The following RAB11FIP1 variants were observed in gnomAD, a reference collection of about 807,000 sequenced individuals.
The protein encoded by RAB11FIP1 is RAB11 family interacting protein 1.
In RAB11FIP1, 49 loss-of-function variants were observed where a neutral mutation model predicts 83.1. That is an observed-to-expected ratio of 0.59 (90% CI 0.47 to 0.75). RAB11FIP1 has a LOEUF of 0.75. Ranked by LOEUF, RAB11FIP1 falls within the 30% of genes least tolerant of loss-of-function variation. The pLI is 0.00. For missense variants in RAB11FIP1, 1,536 were observed against 1,598.7 expected (o/e 0.96, Z 0.67); for synonymous variants, 670 against 656.0 (o/e 1.02, Z -0.33).
At chr8:37,882,109 G>A (rs768527177) in intron 1 of RAB11FIP1, among the ~76,000 whole-genome samples, 6 of 152,162 alleles carry the variant, frequency 3.9e-5, no homozygotes, top group Admixed American at 1.3e-4. Context: ...CAGGGCAGGA[G>A]CTTCAGGCAG....
intron 3 of RAB11FIP1, among the ~76,000 whole-genome samples, chr8:37,873,584 C>T (rs1463738394): frequency 1.3e-5 from 2 of 151,264 alleles, no homozygotes; most frequent in Non-Finnish European, 2.9e-5. Context: ...CCAGCCTGGG[C>T]GATAGAGGGA....
chr8:37,874,697 A>C lies in RAB11FIP1; in HGVS notation c.1440T>G (p.Ala480=), dbSNP rs914910876. The C allele has an allele frequency of 6.1e-5, 99 of 1,614,106 alleles. No individual in the cohort carries two copies. The highest frequency in any genetic ancestry group is 8.1e-5 in the Non-Finnish European group (95 of 1,180,044). Residue 480 remains alanine, a synonymous_variant, in exon 3 of 6, where the codon GCT becomes GCG. Transcript: ENST00000330843. ...TCTCAGATCTTCTCACAAGGTCTTC[A>C]GCAGGCCCCGATGCGTCCTCCCCCG... is the stretch of plus-strand genomic sequence containing the variant. ...VKPGEDASGP[A]EDLVRRSEKD...
rs911179301 is a variant in RAB11FIP1 at position 37,860,954 on chromosome 8, T to TA, written c.*1940dup. 6.6e-6 allele frequency: 1 copy of TA among 152,566 alleles called. No homozygotes were observed. The highest frequency in any genetic ancestry group is 6.5e-5 in the Admixed American group (1 of 15,270). 9.5% of individuals were successfully genotyped at this position (152,566 alleles called of 1,614,324 possible). On this transcript the variant is annotated 3_prime_UTR_variant, in exon 6 of 6. Transcript: ENST00000330843. ...AACCTCAATGTAACAAGGACACACA[T>TA]AAAAGAGATTCCTGATTTAATAACT...
intron 1 of RAB11FIP1, among the ~76,000 whole-genome samples, chr8:37,883,538 T>A (rs1806765807): frequency 6.6e-6 from 1 of 152,260 alleles, no homozygotes; most frequent in Non-Finnish European, 1.5e-5. Flanking sequence ...GGATGTTTGA[T>A]AGAAGCATAC....
intron 5 of RAB11FIP1, 138 bp downstream of exon 5, chr8:37,870,282 G>C (rs1806425452): frequency 1.9e-6 from 1 of 515,622 alleles, no homozygotes; most frequent in African/African-American, 1.9e-5. Flanking sequence ...GGCTTCCAAA[G>C]TTTACTCAAA....
rs748646177 is a variant in RAB11FIP1 at position 37,899,105 on chromosome 8, C to T, written c.337G>A (p.Asp113Asn). The change falls in exon 1 of 6, where the codon GAT becomes AAT. Residue 113 changes from aspartate (D) to asparagine (N), a missense_variant. Physicochemically the swap from Asp to Asn is conservative, Grantham distance 23. Transcript: ENST00000330843. The surrounding 1 kb of genome is among the most constrained non-coding windows in gnomAD (Gnocchi z 4.5). Reference protein sequence around the residue: ...FLGRAEVDLRDLHRDQGRRKT... With the variant: ...FLGRAEVDLRNLHRDQGRRKT... ...CTGCGGCCCTGGTCGCGGTGCAGAT[C>T]CCGCAGGTCCACCTCGGCGCGGCCC... 6.5e-7 allele frequency: 1 copy of T among 1,528,474 alleles called. No homozygotes were observed. The highest frequency in any genetic ancestry group is 8.7e-7 in the Non-Finnish European group (1 of 1,146,984). 94.7% of individuals were successfully genotyped at this position (1,528,474 alleles called of 1,614,324 possible). A position where few individuals can be genotyped will look rare whatever the true frequency, so the allele number is the denominator to read the frequency against.
rs1806194205 is a variant in RAB11FIP1, at chr8:37,859,532, C to T, written c.*3363G>A. On this transcript the variant is annotated 3_prime_UTR_variant, in exon 6 of 6. Coordinates refer to ENST00000330843, the MANE Select transcript of RAB11FIP1 (RefSeq NM_001002814.3). ...CAAAGGGCAGACTTACTCCTTCATC[C>T]ACTCTGCTGCCTTGATGAGGTGAAC... is the stretch of plus-strand genomic sequence containing the variant. 1 of 152,332 alleles carries T rather than the reference C, an allele frequency of 6.6e-6. No homozygotes were observed. Among genetic ancestry groups the T allele is most frequent in the Non-Finnish European group, 1.5e-5 (1 of 68,130 alleles). 9.4% of individuals were successfully genotyped at this position (152,332 alleles called of 1,614,324 possible). A position where few individuals can be genotyped will look rare whatever the true frequency, so the allele number is the denominator to read the frequency against.
intron 3 of RAB11FIP1, 38 bp from the exon 4 acceptor site, chr8:37,873,217 A>G: frequency 6.6e-7 from 1 of 1,519,460 alleles, no homozygotes; most frequent in African/African-American, 1.4e-5. Flanking sequence ...AGGTCAGTGC[A>G]GATGCATCAC....
Position 37,861,421 on chromosome 8 carries a change from A to C in RAB11FIP1, c.*1474T>G. 8.6e-6 allele frequency: 3 copies of C among 350,700 alleles called. No homozygotes were observed. Among genetic ancestry groups the C allele is most frequent in the Non-Finnish European group, 1.7e-5 (3 of 181,434 alleles). 21.7% of individuals were successfully genotyped at this position (350,700 alleles called of 1,614,324 possible). On this transcript the variant is annotated 3_prime_UTR_variant, in exon 6 of 6. Transcript: ENST00000330843. ...CACTACAATTTCCCCAGTATCCCAC[A>C]AATAATTTGGGTTTCCTTTTGGGCA...
At chr8:37,891,331 T>C (rs1293235703) in intron 1 of RAB11FIP1, among the ~76,000 whole-genome samples, 1 of 152,146 alleles carries the variant, frequency 6.6e-6, no homozygotes. Flanking sequence ...TCTTAATCCT[T>C]CTGGAGCTAA....
At chr8:37,885,222 T>C (rs1482631533) in intron 1 of RAB11FIP1, among the ~76,000 whole-genome samples, 1 of 151,982 alleles carries the variant, frequency 6.6e-6, no homozygotes, top group Non-Finnish European at 1.5e-5. Context: ...CTCGAACTCC[T>C]GACTTCAGAT....
At chr8:37,864,881 GAA>G (rs1170283885) in intron 5 of RAB11FIP1, among the ~76,000 whole-genome samples, 1 of 151,660 alleles carries the variant, frequency 6.6e-6, no homozygotes, top group East Asian at 1.9e-4. Context: ...CGCAAGTCTG[GAA>G]AAGAGCCCTA....
chr8:37,880,856 G>C, intron 1 of RAB11FIP1, among the ~76,000 whole-genome samples: 1 of 152,006 alleles, frequency 6.6e-6, no homozygotes, highest in East Asian at 1.9e-4. Context: ...ATAGTGAGCT[G>C]TCCACCAGGT....
chr8:37,887,402 A>T (rs1176737667), intron 1 of RAB11FIP1, among the ~76,000 whole-genome samples: 1 of 152,020 alleles, frequency 6.6e-6, no homozygotes, highest in Admixed American at 6.6e-5. Context: ...GTGGTGGTAC[A>T]CACCTGTAAT....
chr8:37,881,906 A>G (rs1806738803), intron 1 of RAB11FIP1, among the ~76,000 whole-genome samples: 1 of 152,134 alleles, frequency 6.6e-6, no homozygotes, highest in Non-Finnish European at 1.5e-5. Flanking sequence ...TGTCACTTCA[A>G]TTTTGAGAGG....
At position 37,872,721 on chromosome 8, in the gene RAB11FIP1, G is replaced by A; in HGVS notation, c.2081C>T (p.Pro694Leu). ...TTGTCGCCCTGTTTCAGGCTGCTCT[G>A]GGAGAGACTCCTCCAACTCAAGGCT... ...TSSLELEESL[P>L]EQPETGRQEE... Residue 694 changes from proline to leucine, a missense_variant, in exon 4 of 6, where the codon CCA (proline) becomes CTA (leucine). Transcript: ENST00000330843. 1.2e-6 allele frequency: 2 copies of A among 1,614,214 alleles called. No homozygotes were observed. The highest frequency in any genetic ancestry group is 1.6e-4 in the Middle Eastern group (1 of 6,062).
Position 37,872,064 on chromosome 8 carries a change from A to G in RAB11FIP1, c.2738T>C (p.Met913Thr). 6.2e-7 allele frequency: 1 copy of G among 1,614,048 alleles called. No individual in the cohort carries two copies. Among genetic ancestry groups the G allele is most frequent in the Non-Finnish European group, 8.5e-7 (1 of 1,179,994 alleles). Reference protein sequence around the residue: ...SSAKDTPLFRMEGEDALVTQY... With the variant: ...SSAKDTPLFRTEGEDALVTQY... ...AGTCACAAGGGCATCCTCTCCCTCC[A>G]TCCTAAAGAGTGGAGTGTCTTTCGC... Residue 913 changes from methionine (M) to threonine (T), a missense_variant, in exon 4 of 6, where the codon ATG becomes ACG. Transcript: ENST00000330843.
chr8:37,883,617 C>G (rs1271076824), intron 1 of RAB11FIP1, among the ~76,000 whole-genome samples: 1 of 152,226 alleles, frequency 6.6e-6, no homozygotes, highest in African/African-American at 2.4e-5. Context: ...CAGAAGAACA[C>G]ATCTGGGGAT....
At chr8:37,877,070 GGAA>G (rs1806629224) in intron 2 of RAB11FIP1, 36 bp downstream of exon 2, 3 of 1,424,132 alleles carry the variant, frequency 2.1e-6, no homozygotes, top group Non-Finnish European at 9.8e-7. Flanking sequence ...CATGGTAAGA[GGAA>G]GAAGAGAGGT....
Sources: gnomAD v4.1 joint callset for allele counts (sites outside exome capture counted in the v4.1 genomes callset) on GRCh38, gnomAD v4.1.1 for gene constraint, Gnocchi (gnomAD v3.1) non-coding constraint, MANE v1.5 for transcripts, NCBI Gene and HGNC (gene_info 2026-07-23, HGNC 2026-07-21) for gene names.